The following SLC25A48 variants were observed in gnomAD, a reference collection of about 807,000 sequenced individuals.
SLC25A48 encodes the protein CTC-321K16.1.
A neutral mutation model predicts 32.2 loss-of-function variants in SLC25A48; 29 were observed. That is an observed-to-expected ratio of 0.90 (90% CI 0.67 to 1.23). The LOEUF (loss-of-function observed/expected upper bound fraction) is 1.23, where lower values mean the gene tolerates loss of function less well. Ranked by LOEUF, SLC25A48 falls within the 50% of genes most tolerant of loss-of-function variation. The pLI is 0.00. For synonymous variants in SLC25A48, 164 were observed against 172.3 expected, an observed-to-expected ratio of 0.95 and a Z score of 0.38; for missense variants, 399 against 422.7, an observed-to-expected ratio of 0.94 and a Z score of 0.49.
At chr5:135,726,597 T>G (rs1041102359) in intron 3 of SLC25A48, among the ~76,000 whole-genome samples, 1 of 152,218 alleles carries the variant, frequency 6.6e-6, no homozygotes, top group Non-Finnish European at 1.5e-5. Flanking sequence ...CTTTTCTTAC[T>G]CAGCGTAATG....
At chr5:135,672,152 G>A (rs1036459748) in intron 3 of SLC25A48, among the ~76,000 whole-genome samples, 4 of 152,212 alleles carry the variant, frequency 2.6e-5, no homozygotes, top group Non-Finnish European at 4.4e-5. Flanking sequence ...ATTTATGACT[G>A]AAAGGAAGTT....
chr5:135,795,750 G>A (rs573910473), intron 3 of SLC25A48, among the ~76,000 whole-genome samples: 1 of 151,352 alleles, frequency 6.6e-6, no homozygotes, highest in East Asian at 2.0e-4. Context: ...TCCGGTGGGG[G>A]AGAGAGTGTG....
intron 3 of SLC25A48, among the ~76,000 whole-genome samples, chr5:135,672,344 C>T (rs1451877605): frequency 6.6e-6 from 1 of 152,218 alleles, no homozygotes; most frequent in Non-Finnish European, 1.5e-5. Context: ...CATTTCATAA[C>T]CACAGCAGGT....
chr5:135,711,815 C>G (rs1018472446), intron 3 of SLC25A48, among the ~76,000 whole-genome samples: 1 of 152,100 alleles, frequency 6.6e-6, no homozygotes, highest in East Asian at 1.9e-4. Context: ...CATTCTGCTC[C>G]GTTTATTGAT....
chr5:135,762,573 A>C (rs1380068449), intron 3 of SLC25A48, among the ~76,000 whole-genome samples: 3 of 152,128 alleles, frequency 2.0e-5, no homozygotes, highest in African/African-American at 7.2e-5. Flanking sequence ...CTATATGGGT[A>C]TATTATAGTA....
At chr5:135,830,472 C>T (rs1479048076), upstream of SLC25A48, among the ~76,000 whole-genome samples, 1 of 152,214 alleles carries the variant, frequency 6.6e-6, no homozygotes, top group Non-Finnish European at 1.5e-5. Flanking sequence ...GGCAGCCCAG[C>T]TTTCCCGCCA....
chr5:135,740,387 G>T lies in SLC25A48; in HGVS notation c.-520-72136G>T, dbSNP rs182529383. 7.9e-3 allele frequency among the ~76,000 whole-genome samples: 1,202 copies of T among 152,180 alleles called. 6 individuals carry two copies. The highest frequency in any genetic ancestry group is 0.033 in the South Asian group (159 of 4,798). On this transcript the variant is annotated intron_variant, in intron 3 of 10. Transcript: ENST00000646290. ...TTTTGTGTTTTTTAGTGGAGACAGG[G>T]TTTCACCATGTTGGTCAGGCTGGTC...
chr5:135,753,760 C>A (rs985683656), intron 3 of SLC25A48, among the ~76,000 whole-genome samples: 1 of 151,568 alleles, frequency 6.6e-6, no homozygotes, highest in Non-Finnish European at 1.5e-5. Flanking sequence ...TGGTTGTACA[C>A]CCTGTGTGTA....
chr5:135,785,977 G>C (rs1756837602), intron 3 of SLC25A48, among the ~76,000 whole-genome samples: 1 of 151,576 alleles, frequency 6.6e-6, no homozygotes, highest in Non-Finnish European at 1.5e-5. Context: ...CCATGGGGCG[G>C]GGGTTGAAAC....
chr5:135,863,206 C>T (rs1044422992), intron 4 of SLC25A48, among the ~76,000 whole-genome samples: 32 of 152,096 alleles, frequency 2.1e-4, no homozygotes, highest in African/African-American at 7.2e-4. Flanking sequence ...ACAAGTGGAA[C>T]CCCCCACACA....
exon 1 of SLC25A48, chr5:135,579,528 A>T (rs891555284): frequency 1.3e-5 from 2 of 152,440 alleles, no homozygotes; most frequent in Admixed American, 1.3e-4. Context: ...CCAGTTCTGG[A>T]CAGGGGCTTG....
At chr5:135,822,503 G>T (rs1332784542) in intron 4 of SLC25A48, among the ~76,000 whole-genome samples, 1 of 152,068 alleles carries the variant, frequency 6.6e-6, no homozygotes. Flanking sequence ...ATGTGCCTTG[G>T]TTTGTGGCAG....
At chr5:135,585,293 C>T (rs538916606) in intron 1 of SLC25A48, among the ~76,000 whole-genome samples, 3 of 152,304 alleles carry the variant, frequency 2.0e-5, no homozygotes, top group East Asian at 3.9e-4. Context: ...GTGCAGGCAC[C>T]GCCAAGTCCT....
rs749286571 is a variant in SLC25A48, at chr5:135,834,908, C to G, written c.46+15C>G. 15 of 1,598,636 alleles carry G rather than the reference C, an allele frequency of 9.4e-6. No homozygotes were observed. The South Asian group carries it at 1.5e-4, about 16-fold the overall frequency. On this transcript the variant is annotated intron_variant, in intron 1 of 7. Coordinates refer to ENST00000681962, the MANE Select transcript of SLC25A48 (RefSeq NM_001349336.2). ...CTGGATCGGAGGTGAGTGTGCTTACCGGGGACCCCCGGTCAGAGAGAGCGA... is the reference window on the plus strand; with the variant it reads ...CTGGATCGGAGGTGAGTGTGCTTACGGGGGACCCCCGGTCAGAGAGAGCGA...
At chr5:135,628,652 T>TC (rs1322391522) in intron 1 of SLC25A48, among the ~76,000 whole-genome samples, 1 of 152,062 alleles carries the variant, frequency 6.6e-6, no homozygotes, top group Admixed American at 6.5e-5. Context: ...TCTTCAGCAG[T>TC]CTCTGTCTCT....
At chr5:135,687,526 C>A (rs1754043741) in intron 3 of SLC25A48, among the ~76,000 whole-genome samples, 1 of 151,938 alleles carries the variant, frequency 6.6e-6, no homozygotes, top group African/African-American at 2.4e-5. Context: ...TTTTTGAAAT[C>A]TTTTATAATT....
intron 2 of SLC25A48, among the ~76,000 whole-genome samples, chr5:135,633,995 C>T (rs1049648418): frequency 1.3e-5 from 2 of 152,152 alleles, no homozygotes; most frequent in Admixed American, 1.3e-4. Flanking sequence ...AGAGCTTGAG[C>T]TATTTTCAGA....
chr5:135,738,407 C>T (rs1375937193), intron 3 of SLC25A48, among the ~76,000 whole-genome samples: 1 of 152,150 alleles, frequency 6.6e-6, no homozygotes, highest in African/African-American at 2.4e-5. Flanking sequence ...TTCCTCCACA[C>T]CAGGACCCCT....
chr5:135,862,164 G>A (rs372457947), intron 4 of SLC25A48, among the ~76,000 whole-genome samples: 1 of 152,272 alleles, frequency 6.6e-6, no homozygotes, highest in East Asian at 1.9e-4. Flanking sequence ...TGAGCTAGAA[G>A]TCAGGGCTGT....
Sources: gnomAD v4.1 joint callset for allele counts (sites outside exome capture counted in the v4.1 genomes callset) on GRCh38, gnomAD v4.1.1 for gene constraint, MANE v1.5 for transcripts, NCBI Gene and HGNC (gene_info 2026-07-23, HGNC 2026-07-21) for gene names.